Variants in DEPDC4 observed in about 807,000 individuals in gnomAD.
DEPDC4 encodes DEP domain containing 4.
DEPDC4 carries 52 observed loss-of-function variants against 52.0 expected under a neutral mutation model. That is an observed-to-expected ratio of 1.00 (90% confidence interval 0.80 to 1.26). DEPDC4 has a LOEUF of 1.26. Among genes scored for constraint, DEPDC4 ranks in the 50% most tolerant of loss-of-function variants. The pLI is 0.00. For missense variants in DEPDC4, 530 were observed against 546.9 expected (o/e 0.97, Z 0.31); for synonymous variants, 201 against 196.8 (o/e 1.02, Z -0.18).
At position 100,263,634 on chromosome 12, in the gene DEPDC4, C is replaced by T; in HGVS notation, c.417G>A (p.Lys139=). ...NHKVFEPVGM[K]KLFKKEKELE... is the part of the protein sequence containing the mutation. ...ATTCCTTTTCTTTTTTGAAAAGCTT[C>T]TTCATTCCTACTGGTTCAAATACTT... is the stretch of plus-strand genomic sequence containing the variant. Residue 139 remains lysine (K), a synonymous_variant, in exon 2 of 10, where the codon AAG becomes AAA. Coordinates refer to ENST00000550587, the MANE Select transcript of DEPDC4 (RefSeq NM_001364818.2). 1 of 1,613,998 alleles carries T rather than the reference C, an allele frequency of 6.2e-7. No individual in the cohort carries two copies. Among genetic ancestry groups the T allele is most frequent in the South Asian group, 1.1e-5 (1 of 91,060 alleles).
the DEPDC4 span, among the ~76,000 whole-genome samples, chr12:100,272,179 G>C: frequency 1.3e-5 from 2 of 152,202 alleles, no homozygotes; most frequent in Admixed American, 6.5e-5. Flanking sequence ...TGAATTTCAA[G>C]TGAATTATAA....
chr12:100,247,272 G>A (rs551790604), intron 8 of DEPDC4, among the ~76,000 whole-genome samples: 2 of 125,364 alleles, frequency 1.6e-5, no homozygotes, highest in East Asian at 5.3e-4. Context: ...GCAGTGGCAT[G>A]ATCTTGGCTC....
At chr12:100,264,817 T>C (rs1451220895) in intron 1 of DEPDC4, among the ~76,000 whole-genome samples, 1 of 152,162 alleles carries the variant, frequency 6.6e-6, no homozygotes, top group Non-Finnish European at 1.5e-5. Context: ...AGAAAGTGCT[T>C]CCACTGTTGC....
At chr12:100,231,964 T>C (rs532433996) in intron 9 of DEPDC4, among the ~76,000 whole-genome samples, 43 of 152,130 alleles carry the variant, frequency 2.8e-4, no homozygotes, top group Admixed American at 1.4e-3. Context: ...AAAAGAATTA[T>C]TAGGAAAATG....
chr12:100,278,951 G>A, the DEPDC4 span, among the ~76,000 whole-genome samples: 1 of 151,990 alleles, frequency 6.6e-6, no homozygotes, highest in Non-Finnish European at 1.5e-5. Flanking sequence ...TCTTATCTTT[G>A]TTCTTATATG....
Position 100,245,470 on chromosome 12 carries a change from T to C in DEPDC4, c.1454-2901A>G, listed in dbSNP as rs150033482. Among the ~76,000 whole-genome samples, 64 of 152,278 alleles carry C rather than the reference T, an allele frequency of 4.2e-4. 2 individuals carry two copies. The Middle Eastern group carries it at 0.014, about 32-fold the overall frequency. On this transcript the variant is annotated intron_variant, in intron 8 of 9. Coordinates refer to ENST00000550587, the MANE Select transcript of DEPDC4 (RefSeq NM_001364818.2). Reference sequence around the variant, plus strand: ...TTAGTAGAGACAGGGTTTCACCATATTGCCTAGGCTGGTCTCAAACTCCTG... The same window carrying C: ...TTAGTAGAGACAGGGTTTCACCATACTGCCTAGGCTGGTCTCAAACTCCTG...
At chr12:100,259,081 A>AAAATATATATATAT (rs543577636) in intron 3 of DEPDC4, among the ~76,000 whole-genome samples, 18 of 149,184 alleles carry the variant, frequency 1.2e-4, no homozygotes, top group Non-Finnish European at 2.1e-4. Context: ...AAAAAAAAAA[A>AAAATATATATATAT]ATATATATAT....
intron 9 of DEPDC4, among the ~76,000 whole-genome samples, chr12:100,233,472 C>A (rs1172422040): frequency 6.6e-6 from 1 of 152,164 alleles, no homozygotes; most frequent in Non-Finnish European, 1.5e-5. Flanking sequence ...GTATAGAGTT[C>A]TGTCTTCATA....
At chr12:100,234,739 C>G (rs2096138888) in intron 9 of DEPDC4, among the ~76,000 whole-genome samples, 1 of 152,086 alleles carries the variant, frequency 6.6e-6, no homozygotes, top group Non-Finnish European at 1.5e-5. Flanking sequence ...CTATCAGGAG[C>G]AAAGCTTTCC....
chr12:100,252,842 A>G (rs2096214115), intron 5 of DEPDC4, among the ~76,000 whole-genome samples: 1 of 133,710 alleles, frequency 7.5e-6, no homozygotes, highest in African/African-American at 2.7e-5. Flanking sequence ...ATTTTGCTAA[A>G]AGGTCATCAA....
chr12:100,260,472 C>T (rs955774672), intron 3 of DEPDC4, among the ~76,000 whole-genome samples: 4 of 151,888 alleles, frequency 2.6e-5, no homozygotes, highest in African/African-American at 9.7e-5. Flanking sequence ...AGAGGTACGT[C>T]ATGACCTCAA....
chr12:100,266,771 C>G, intron 1 of DEPDC4, 149 bp downstream of exon 1: 1 of 1,111,238 alleles, frequency 9.0e-7, no homozygotes, highest in Non-Finnish European at 1.3e-6. Flanking sequence ...CCTGGGTCCC[C>G]CAGTCCAGTG....
chr12:100,245,442 T>C (rs1470576918), intron 8 of DEPDC4, among the ~76,000 whole-genome samples: 1 of 152,120 alleles, frequency 6.6e-6, no homozygotes, highest in African/African-American at 2.4e-5. Context: ...AATCTTTGTA[T>C]TTTTAGTAGA....
At chr12:100,277,451 T>G in the DEPDC4 span, among the ~76,000 whole-genome samples, 2 of 152,256 alleles carry the variant, frequency 1.3e-5, no homozygotes, top group Non-Finnish European at 2.9e-5. Flanking sequence ...ATTGGGTGTG[T>G]ACAGATTTAG....
intron 3 of DEPDC4, among the ~76,000 whole-genome samples, chr12:100,258,691 A>G (rs1338125678): frequency 6.6e-6 from 1 of 152,104 alleles, no homozygotes; most frequent in Non-Finnish European, 1.5e-5. Flanking sequence ...AATACCTTTA[A>G]AAGTATTTGA....
Position 100,262,277 on chromosome 12 carries a change from C to A in DEPDC4, c.687G>T (p.Arg229=), listed in dbSNP as rs749383950. ...PNITVQKPFL[R]LSKEDVWKEQ... is the part of the protein sequence containing the mutation. ...AAAACAAATTACCTTCTTTTGAAAGCCGGAGAAAAGGTTTCTGAACTGTGA... is the reference window on the plus strand; with the variant it reads ...AAAACAAATTACCTTCTTTTGAAAGACGGAGAAAAGGTTTCTGAACTGTGA... Residue 229 remains arginine (R), a synonymous_variant, in exon 3 of 10, where the codon CGG becomes CGT. Coordinates refer to ENST00000550587, the MANE Select transcript of DEPDC4 (RefSeq NM_001364818.2). 6.2e-7 allele frequency: 1 copy of A among 1,601,492 alleles called. No homozygotes were observed. Among genetic ancestry groups the A allele is most frequent in the Non-Finnish European group, 8.5e-7 (1 of 1,177,078 alleles).
At chr12:100,234,308 T>C (rs966515365) in intron 9 of DEPDC4, among the ~76,000 whole-genome samples, 8 of 152,102 alleles carry the variant, frequency 5.3e-5, no homozygotes, top group African/African-American at 1.9e-4. Context: ...GTGGTGGGAA[T>C]TTATAGCCAA....
chr12:100,244,743 T>G (rs1330418801), intron 8 of DEPDC4, among the ~76,000 whole-genome samples: 5 of 151,486 alleles, frequency 3.3e-5, no homozygotes, highest in African/African-American at 1.2e-4. Flanking sequence ...ATTGCAGGTG[T>G]GAGCCGCTGC....
intron 3 of DEPDC4, 83 bp downstream of exon 3, chr12:100,262,181 C>T (rs530168163): frequency 1.4e-6 from 2 of 1,413,694 alleles, no homozygotes; most frequent in East Asian, 2.4e-5. Flanking sequence ...TTTGCCGTGA[C>T]CTTGAAACTG....
Sources: gnomAD v4.1 joint callset for allele counts (sites outside exome capture counted in the v4.1 genomes callset) on GRCh38, gnomAD v4.1.1 for gene constraint, MANE v1.5 for transcripts, NCBI Gene and HGNC (gene_info 2026-07-23, HGNC 2026-07-21) for gene names.